Variants in DLG2 observed in about 807,000 individuals in gnomAD.
The protein encoded by DLG2 is discs large MAGUK scaffold protein 2.
Under a neutral mutation model 132.5 loss-of-function variants are expected in DLG2, and 45 were observed. That is an observed-to-expected ratio of 0.34 (90% confidence interval 0.27 to 0.44). The LOEUF (loss-of-function observed/expected upper bound fraction) is 0.44, where lower values mean the gene tolerates loss of function less well. Among genes scored for constraint, DLG2 ranks in the 20% least tolerant of loss-of-function variants. The pLI, the probability that DLG2 is intolerant of heterozygous loss-of-function variation, is 1.00. For missense variants in DLG2, 1,045 were observed against 1,196.9 expected (o/e 0.87, Z 1.87); for synonymous variants, 424 against 419.6 (o/e 1.01, Z -0.13).
At chr11:84,506,230 T>C (rs996814893) in intron 7 of DLG2, among the ~76,000 whole-genome samples, 7 of 151,010 alleles carry the variant, frequency 4.6e-5, no homozygotes, top group African/African-American at 1.7e-4. Context: ...CGCCCGCCAC[T>C]GCGCCCGGCT....
At chr11:84,300,614 G>C (rs1454997373) in intron 7 of DLG2, among the ~76,000 whole-genome samples, 2 of 151,876 alleles carry the variant, frequency 1.3e-5, no homozygotes, top group Non-Finnish European at 2.9e-5. Context: ...AAAAAATTAA[G>C]CATGTTTTAA....
At chr11:84,302,882 T>G (rs2098171689) in intron 7 of DLG2, among the ~76,000 whole-genome samples, 1 of 151,016 alleles carries the variant, frequency 6.6e-6, no homozygotes, top group Admixed American at 6.6e-5. Context: ...AGGTCAGGAG[T>G]TCTAAACCAG....
intron 6 of DLG2, among the ~76,000 whole-genome samples, chr11:84,642,882 T>C (rs955637926): frequency 4.6e-5 from 7 of 152,230 alleles, no homozygotes; most frequent in Non-Finnish European, 1.0e-4. Flanking sequence ...AGAGAGCACC[T>C]GCAAATTGAT....
chr11:85,442,329 C>T (rs2091821450), intron 3 of DLG2, among the ~76,000 whole-genome samples: 1 of 152,158 alleles, frequency 6.6e-6, no homozygotes, highest in African/African-American at 2.4e-5. Context: ...CTAAGCAAGA[C>T]ATCATGTTGG....
chr11:84,819,322 C>T (rs2077426117), intron 6 of DLG2, among the ~76,000 whole-genome samples: 1 of 151,886 alleles, frequency 6.6e-6, no homozygotes, highest in South Asian at 2.1e-4. Context: ...CAGAAAAAGC[C>T]AACTCTCTTA....
chr11:83,845,207 G>C (rs558695738), intron 16 of DLG2, among the ~76,000 whole-genome samples: 2 of 152,008 alleles, frequency 1.3e-5, no homozygotes, highest in Admixed American at 6.6e-5. Context: ...ATGCAACTAC[G>C]TTCACGTGAA....
chr11:85,460,745 T>C (rs150143310), intron 3 of DLG2, among the ~76,000 whole-genome samples: 2 of 152,328 alleles, frequency 1.3e-5, no homozygotes, highest in East Asian at 3.9e-4. Context: ...ACAGTTGTTC[T>C]CCATTGAAGG....
At position 84,373,090 on chromosome 11, in the gene DLG2, G is replaced by A. The variant is rs563300287; in HGVS notation, c.520-121799C>T. Among the ~76,000 whole-genome samples, 8 of 151,700 alleles carry A rather than the reference G, an allele frequency of 5.3e-5. No homozygotes were observed. The South Asian group carries it at 1.7e-3, about 32-fold the overall frequency. Reference sequence around the variant, plus strand: ...GACAGAGAGAGGCAAGAGAAGAGAGGAATGAGATGGAAGCAACTGAGTCCT... The same window carrying A: ...GACAGAGAGAGGCAAGAGAAGAGAGAAATGAGATGGAAGCAACTGAGTCCT... On this transcript the variant is annotated intron_variant, in intron 7 of 27. Coordinates refer to ENST00000376104, the MANE Select transcript of DLG2 (RefSeq NM_001142699.3).
At chr11:85,510,827 A>G (rs1419719780) in intron 3 of DLG2, among the ~76,000 whole-genome samples, 1 of 152,196 alleles carries the variant, frequency 6.6e-6, no homozygotes, top group Non-Finnish European at 1.5e-5. Flanking sequence ...TTCCTCAGGG[A>G]TCTAGAACTA....
intron 6 of DLG2, among the ~76,000 whole-genome samples, chr11:85,104,171 C>T (rs2071321279): frequency 6.6e-6 from 1 of 151,774 alleles, no homozygotes; most frequent in African/African-American, 2.4e-5. Flanking sequence ...AAAAGTTAAA[C>T]ATAGAGTTAG....
At chr11:85,215,838 G>C (rs1418584042) in intron 4 of DLG2, among the ~76,000 whole-genome samples, 1 of 151,896 alleles carries the variant, frequency 6.6e-6, no homozygotes, top group African/African-American at 2.4e-5. Context: ...TATGTCTTTT[G>C]TCAATTTAAT....
chr11:85,042,060 T>G (rs2061918748), intron 6 of DLG2, among the ~76,000 whole-genome samples: 1 of 151,778 alleles, frequency 6.6e-6, no homozygotes, highest in Admixed American at 6.6e-5. Flanking sequence ...CAAAATCACT[T>G]TTACCCCTAA....
At chr11:84,381,717 T>G (rs1470071575) in intron 7 of DLG2, among the ~76,000 whole-genome samples, 2 of 152,212 alleles carry the variant, frequency 1.3e-5, no homozygotes, top group African/African-American at 4.8e-5. Flanking sequence ...TGTATCATTT[T>G]CTGTGGTTAT....
chr11:84,748,099 A>C (rs1440736164), intron 6 of DLG2, among the ~76,000 whole-genome samples: 1 of 152,218 alleles, frequency 6.6e-6, no homozygotes, highest in Non-Finnish European at 1.5e-5. Context: ...ACAGGGCAAC[A>C]TCTGCTCTCA....
rs182839315 is a variant in DLG2, at chr11:85,454,082, A to G, written c.40+144575T>C. On this transcript the variant is annotated intron_variant, in intron 3 of 27. Coordinates refer to ENST00000376104, the MANE Select transcript of DLG2 (RefSeq NM_001142699.3). ...CTCTAGCTCCAACCATGTTGCTGCA[A>G]AGGGAATGATCTCATTCTTTTTTAT... 2.0e-3 allele frequency among the ~76,000 whole-genome samples: 298 copies of G among 151,720 alleles called. 2 individuals are homozygous for G. The highest frequency in any genetic ancestry group is 5.3e-3 in the Admixed American group (81 of 15,162).
chr11:84,956,634 T>G (rs929833799), intron 6 of DLG2, among the ~76,000 whole-genome samples: 1 of 152,174 alleles, frequency 6.6e-6, no homozygotes, highest in African/African-American at 2.4e-5. Context: ...AATAGTAGCC[T>G]TGGCCCTCTG....
intron 6 of DLG2, among the ~76,000 whole-genome samples, chr11:84,986,092 A>C (rs1224334283): frequency 6.6e-6 from 1 of 151,828 alleles, no homozygotes; most frequent in Non-Finnish European, 1.5e-5. Flanking sequence ...AAAAATCCTA[A>C]TAAGCCCAAT....
chr11:84,161,115 A>C (rs1459069298), intron 9 of DLG2, among the ~76,000 whole-genome samples: 1 of 152,188 alleles, frequency 6.6e-6, no homozygotes. Flanking sequence ...CCAGTTGCTG[A>C]GGCAGTGGCA....
intron 3 of DLG2, among the ~76,000 whole-genome samples, chr11:85,512,029 G>A (rs1045043113): frequency 6.6e-6 from 1 of 152,016 alleles, no homozygotes; most frequent in Non-Finnish European, 1.5e-5. Flanking sequence ...CAGTTCCATG[G>A]TGTTTCTCAG....
Sources: allele counts gnomAD v4.1 joint callset (sites outside exome capture counted in the v4.1 genomes callset), GRCh38; gene constraint gnomAD v4.1.1; transcripts MANE v1.5; gene names NCBI Gene and HGNC (gene_info 2026-07-23, HGNC 2026-07-21).